The following TXNRD2 variants were observed in gnomAD, a reference collection of about 807,000 sequenced individuals.
The protein encoded by TXNRD2 is thioredoxin reductase 2, mitochondrial.
In TXNRD2, 67 loss-of-function variants were observed where a neutral mutation model predicts 70.8. The ratio of observed to expected loss-of-function variants is 0.95; its 90% CI spans 0.78 to 1.16. The LOEUF is 1.16. TXNRD2 is among the 50% of genes most tolerant of loss of function. The pLI is 0.00. For missense variants in TXNRD2, 644 were observed against 719.9 expected, an observed-to-expected ratio of 0.89 and a Z score of 1.21; for synonymous variants, 301 against 295.8, an observed-to-expected ratio of 1.02 and a Z score of -0.18.
intron 1 of TXNRD2, chr22:19,938,268 T>C (rs1569118514): frequency 2.0e-5 from 3 of 152,218 alleles, no homozygotes; most frequent in South Asian, 2.1e-4. Flanking sequence ...TGTAAACTTA[T>C]GGTGTCTGCC....
intron 2 of TXNRD2, among the ~76,000 whole-genome samples, chr22:19,926,760 AAC>A: frequency 6.6e-6 from 1 of 152,118 alleles, no homozygotes; most frequent in South Asian, 2.1e-4. Context: ...CAGCCTGGGC[AAC>A]AGAGTCAGAC....
intron 10 of TXNRD2, among the ~76,000 whole-genome samples, chr22:19,897,382 C>T (rs2145974789): frequency 6.6e-6 from 1 of 152,328 alleles, no homozygotes; most frequent in African/African-American, 2.4e-5. Context: ...GAGTGTTTGA[C>T]ATCTCCACAA....
intron 2 of TXNRD2, among the ~76,000 whole-genome samples, chr22:19,929,384 G>C (rs1451371637): frequency 6.6e-6 from 1 of 151,200 alleles, no homozygotes; most frequent in Non-Finnish European, 1.5e-5. Context: ...ACTTGTAATA[G>C]CATTTTGGGA....
chr22:19,890,413 C>T (rs1939212987), intron 11 of TXNRD2, among the ~76,000 whole-genome samples: 1 of 152,208 alleles, frequency 6.6e-6, no homozygotes, highest in South Asian at 2.1e-4. Flanking sequence ...GTCACCTGCT[C>T]AGGGATGGCC....
intron 2 of TXNRD2, among the ~76,000 whole-genome samples, chr22:19,928,638 C>T (rs540292365): frequency 1.3e-5 from 2 of 152,282 alleles, no homozygotes; most frequent in South Asian, 4.1e-4. Flanking sequence ...CATATCCCCT[C>T]AAAATCCCTA....
chr22:19,918,996 A>G lies in TXNRD2; in HGVS notation c.238T>C (p.Trp80Arg), dbSNP rs762714876. 5 of 1,609,580 alleles carry G rather than the reference A, an allele frequency of 3.1e-6. No individual in the cohort carries two copies. The highest frequency in any genetic ancestry group is 4.2e-6 in the Non-Finnish European group (5 of 1,179,516). The change falls in exon 4 of 18, where the codon TGG (tryptophan) becomes CGG (arginine). Residue 80 changes from tryptophan to arginine, a missense_variant. Physicochemically the swap from Trp to Arg is moderately radical, Grantham distance 101 (BLOSUM62 -3). Transcript: ENST00000400521. ...YVEPSPQGTR[W>R]GLGGTCVNVG... is the part of the protein sequence containing the mutation. ...TTGACGCAGGTGCCGCCGAGGCCCC[A>G]CCGGGTGCCTGGGACGTGGGAAGAG... is the stretch of plus-strand genomic sequence containing the variant.
intron 11 of TXNRD2, among the ~76,000 whole-genome samples, chr22:19,890,785 C>T (rs1939230055): frequency 6.6e-6 from 1 of 152,202 alleles, no homozygotes; most frequent in Non-Finnish European, 1.5e-5. Context: ...GCTGAGTCTG[C>T]GGTGTACGGG....
rs542441159 is a variant in TXNRD2, at chr22:19,910,904, A to G, written c.662+473T>C. On this transcript the variant is annotated intron_variant, in intron 8 of 17. Transcript: ENST00000400521. ...AGCCTGACCAAGATGGTGAAACCCC[A>G]TTTCTACTAAAAATACAAAAATTAG... The G allele has an allele frequency of 3.3e-5, 9 of 272,586 alleles. No individual in the cohort carries two copies. The East Asian group carries it at 1.0e-3, about 31-fold the overall frequency. The allele number at this position is 272,586 out of a possible 1,614,324, so 16.9% of individuals were successfully genotyped here.
intron 2 of TXNRD2, among the ~76,000 whole-genome samples, chr22:19,923,517 T>C (rs1940995086): frequency 1.3e-5 from 2 of 152,198 alleles, no homozygotes; most frequent in Admixed American, 6.5e-5. Flanking sequence ...CTGGGCGTGG[T>C]AACTGACGCC....
chr22:19,937,723 A>T (rs771128732), intron 1 of TXNRD2, among the ~76,000 whole-genome samples: 7 of 152,166 alleles, frequency 4.6e-5, no homozygotes, highest in Non-Finnish European at 8.8e-5. Flanking sequence ...AAAAACTTAA[A>T]AGCGGCCAAG....
chr22:19,909,881 C>CACAACCACACACACCCTACTCACACAT (rs1418379635), intron 8 of TXNRD2, among the ~76,000 whole-genome samples: 1 of 134,314 alleles, frequency 7.4e-6, no homozygotes, highest in Non-Finnish European at 1.6e-5. Context: ...CACTCACACA[C>CACAACCACACACACCCTACTCACACAT]ACCACTCACA....
chr22:19,897,734 T>C (rs1939572635), intron 10 of TXNRD2, among the ~76,000 whole-genome samples: 3 of 152,166 alleles, frequency 2.0e-5, no homozygotes, highest in Non-Finnish European at 4.4e-5. Flanking sequence ...ACCGGCCTCT[T>C]ACTAATGGGA....
intron 2 of TXNRD2, 137 bp from the exon 3 acceptor site, chr22:19,919,736 C>G: frequency 1.2e-6 from 1 of 823,554 alleles, no homozygotes; most frequent in Non-Finnish European, 2.0e-6. Context: ...AGTGGCTGAG[C>G]TGCGCAATGC....
chr22:19,926,667 G>A (rs896560016), intron 2 of TXNRD2, among the ~76,000 whole-genome samples: 1 of 152,008 alleles, frequency 6.6e-6, no homozygotes, highest in Non-Finnish European at 1.5e-5. Context: ...TGTAATCCCA[G>A]CTACTCGGGA....
At chr22:19,940,025 T>A (rs1941648066) in intron 1 of TXNRD2, among the ~76,000 whole-genome samples, 1 of 151,888 alleles carries the variant, frequency 6.6e-6, no homozygotes, top group Non-Finnish European at 1.5e-5. Flanking sequence ...AGGTGGATCA[T>A]GAGGTCAGGA....
rs1016982636 is a variant in TXNRD2 at position 19,926,265 on chromosome 22, G to A, written c.172+4765C>T. On this transcript the variant is annotated intron_variant, in intron 2 of 17. Transcript: ENST00000400521. ...GGCACTCTGGGAGGCCGAGGTGGGC[G>A]GATCACCTGAGGTCAAGAGTTCAAG... Among the ~76,000 whole-genome samples the A allele has an allele frequency of 7.2e-5, 11 of 152,106 alleles. 1 individual carries two copies. Among genetic ancestry groups the A allele is most frequent in the African/African-American group, 1.9e-4 (8 of 41,440 alleles).
intron 11 of TXNRD2, chr22:19,895,021 T>C (rs1391232817): frequency 1.3e-6 from 2 of 1,527,260 alleles, no homozygotes; most frequent in African/African-American, 2.8e-5. Flanking sequence ...ACCTGGAAGG[T>C]GACAAGTAGG....
Position 19,897,970 on chromosome 22 carries a change from G to C in TXNRD2, c.774+69C>G, listed in dbSNP as rs925799793. 3 of 1,337,624 alleles carry C rather than the reference G, an allele frequency of 2.2e-6. No individual in the cohort carries two copies. The South Asian group carries it at 3.8e-5, about 17-fold the overall frequency. 82.9% of individuals were successfully genotyped at this position (1,337,624 alleles called of 1,614,324 possible). A position where few individuals can be genotyped will look rare whatever the true frequency, so the allele number is the denominator to read the frequency against. ...CGTGGCCCATGACTGCACTGCACCT[G>C]CCTGGGAGGGGGCTGTGGGAGGAAG... On this transcript the variant is annotated intron_variant, in intron 10 of 17. Transcript: ENST00000400521.
chr22:19,918,024 A>G lies in TXNRD2; in HGVS notation c.449+119T>C, dbSNP rs970979521. 7.0e-6 allele frequency: 6 copies of G among 858,202 alleles called. No individual in the cohort carries two copies. In the African/African-American group the frequency reaches 9.9e-5, roughly 14 times the overall value. 53.2% of individuals were successfully genotyped at this position (858,202 alleles called of 1,614,324 possible). A position where few individuals can be genotyped will look rare whatever the true frequency, so the allele number is the denominator to read the frequency against. On this transcript the variant is annotated intron_variant, in intron 5 of 17. Coordinates refer to ENST00000400521, the MANE Select transcript of TXNRD2 (RefSeq NM_006440.5). ...GTCCTCATCCCCACCCATGAGCAGGACATGAACCCCCAGAGCCTGCCAGAG... is the reference window on the plus strand; with the variant it reads ...GTCCTCATCCCCACCCATGAGCAGGGCATGAACCCCCAGAGCCTGCCAGAG...
Sources: allele counts gnomAD v4.1 joint callset (sites outside exome capture counted in the v4.1 genomes callset), GRCh38; gene constraint gnomAD v4.1.1; transcripts MANE v1.5; gene names NCBI Gene and HGNC (gene_info 2026-07-23, HGNC 2026-07-21).